ZNF608: variants seen among roughly 807,000 people sequenced by gnomAD.
The protein encoded by ZNF608 is renal carcinoma antigen NY-REN-36.
A neutral mutation model predicts 109.0 loss-of-function variants in ZNF608; 12 were observed. The observed-to-expected ratio is 0.11, with a 90% confidence interval of 0.07 to 0.18. The LOEUF (loss-of-function observed/expected upper bound fraction) is 0.18. Ranked by LOEUF, ZNF608 falls within the 10% of genes least tolerant of loss-of-function variation. The probability of loss-of-function intolerance (pLI) is 1.00; values close to 1 mark genes in which losing one functional copy is unlikely to be tolerated. For missense variants in ZNF608, 1,707 were observed against 1,879.3 expected, an observed-to-expected ratio of 0.91 and a Z score of 1.70; for synonymous variants, 732 against 717.4, an observed-to-expected ratio of 1.02 and a Z score of -0.33.
chr5:124,723,951 T>C (rs1754037031), intron 2 of ZNF608, among the ~76,000 whole-genome samples: 1 of 152,138 alleles, frequency 6.6e-6, no homozygotes, highest in Non-Finnish European at 1.5e-5. Flanking sequence ...CAATGGCTTG[T>C]ACCCATGAAA....
chr5:124,702,912 T>C (rs1159731551), intron 2 of ZNF608, among the ~76,000 whole-genome samples: 3 of 152,218 alleles, frequency 2.0e-5, no homozygotes, highest in Admixed American at 6.5e-5. Flanking sequence ...TTCACACTGA[T>C]AGTTCTTATT....
At chr5:124,729,350 G>A (rs1011837976) in intron 2 of ZNF608, among the ~76,000 whole-genome samples, 1 of 152,218 alleles carries the variant, frequency 6.6e-6, no homozygotes, top group Admixed American at 6.5e-5. Context: ...TGGAGGTCCT[G>A]AGTGAGAGGG....
intron 3 of ZNF608, among the ~76,000 whole-genome samples, chr5:124,690,718 A>G (rs749400953): frequency 2.6e-5 from 4 of 152,040 alleles, no homozygotes; most frequent in Non-Finnish European, 5.9e-5. Context: ...TATCCACTGA[A>G]TGATCTGAAC....
chr5:124,647,396 A>G lies in ZNF608; in HGVS notation c.2988T>C (p.Tyr996=). The G allele has an allele frequency of 5.0e-6, 8 of 1,614,212 alleles. No homozygotes were observed. Among genetic ancestry groups the G allele is most frequent in the Non-Finnish European group, 6.8e-6 (8 of 1,180,044 alleles). ...AATAATAAGGATCATAGCTGTGGTA[A>G]TAGGGAGAATGGGACTCTTTCAGTT... The part of the protein sequence containing the change: ...SSQLKESHSP[Y]YHSYDPYYSP... The change falls in exon 5 of 10, where the codon TAT becomes TAC. Residue 996 remains tyrosine, a synonymous_variant. Transcript: ENST00000513986.
chr5:124,704,632 T>A (rs1350032356), intron 2 of ZNF608, among the ~76,000 whole-genome samples: 1 of 152,182 alleles, frequency 6.6e-6, no homozygotes, highest in Non-Finnish European at 1.5e-5. Context: ...TTTAAATTTC[T>A]CCTATTTCGT....
chr5:124,653,689 G>A (rs1750886693), intron 3 of ZNF608, among the ~76,000 whole-genome samples: 1 of 152,112 alleles, frequency 6.6e-6, no homozygotes, highest in Admixed American at 6.5e-5. Flanking sequence ...CCATCTGACT[G>A]GACCAGTGAT....
chr5:124,648,320 T>C lies in ZNF608; in HGVS notation c.2064A>G (p.Ala688=), dbSNP rs764744051. 9 of 1,614,124 alleles carry C rather than the reference T, an allele frequency of 5.6e-6. No homozygotes were observed. Among genetic ancestry groups the C allele is most frequent in the African/African-American group, 1.3e-5 (1 of 74,938 alleles). Reference sequence around the variant, plus strand: ...TCTCAGCAGCCAAACTGCCGTCTGCTGCCGAGCAACTGTCTAACGCAGCCG... The same window carrying C: ...TCTCAGCAGCCAAACTGCCGTCTGCCGCCGAGCAACTGTCTAACGCAGCCG... ...NMTAALDSCS[A]ADGSLAAEMP... Residue 688 remains alanine, a synonymous_variant, in exon 5 of 10, where the codon GCA becomes GCG. Coordinates refer to ENST00000513986, the MANE Select transcript of ZNF608 (RefSeq NM_020747.3).
chr5:124,715,860 T>C (rs766415426), intron 2 of ZNF608, among the ~76,000 whole-genome samples: 11 of 152,134 alleles, frequency 7.2e-5, no homozygotes, highest in African/African-American at 1.7e-4. Context: ...TACTCTAATA[T>C]AGGCCGGGCG....
At chr5:124,694,429 C>G (rs1752759375) in intron 3 of ZNF608, among the ~76,000 whole-genome samples, 1 of 151,788 alleles carries the variant, frequency 6.6e-6, no homozygotes, top group South Asian at 2.1e-4. Flanking sequence ...GGTATATGGT[C>G]CAGTAAATAT....
rs1177719535 is a variant in ZNF608 at position 124,690,606 on chromosome 5, G to A, written c.1162+10408C>T. Among the ~76,000 whole-genome samples, 4 of 152,218 alleles carry A rather than the reference G, an allele frequency of 2.6e-5. 1 individual carries two copies. The highest frequency in any genetic ancestry group is 2.6e-4 in the Admixed American group (4 of 15,284). On this transcript the variant is annotated intron_variant, in intron 3 of 9. Coordinates refer to ENST00000513986, the MANE Select transcript of ZNF608 (RefSeq NM_020747.3). ...TTCATGCCTGTAATTGCAGCACTTT[G>A]GGAGGCCAAGGCAGGAAGATCGCTT...
At chr5:124,662,163 C>T (rs1440095506) in intron 3 of ZNF608, among the ~76,000 whole-genome samples, 1 of 152,218 alleles carries the variant, frequency 6.6e-6, no homozygotes, top group Non-Finnish European at 1.5e-5. Flanking sequence ...TTCATGATGA[C>T]TTAAATTGTC....
chr5:124,638,034 T>A lies in ZNF608; in HGVS notation c.4533-128A>T, dbSNP rs575487918. 110 of 918,344 alleles carry A rather than the reference T, an allele frequency of 1.2e-4. 1 individual carries two copies. The South Asian group carries it at 1.6e-3, about 13-fold the overall frequency. The allele number at this position is 918,344 out of a possible 1,614,324, so 56.9% of individuals were successfully genotyped here. On this transcript the variant is annotated intron_variant, in intron 9 of 9. Coordinates refer to ENST00000513986, the MANE Select transcript of ZNF608 (RefSeq NM_020747.3). ...GGCTCAATCTCGGCTCACCGCAACC[T>A]CTGCCTCCTGGGTTCAAGTGATTCT...
intron 9 of ZNF608, among the ~76,000 whole-genome samples, chr5:124,638,517 A>G (rs1021842024): frequency 3.2e-4 from 49 of 152,328 alleles, no homozygotes; most frequent in African/African-American, 1.1e-3. Context: ...TGAGCCTCCC[A>G]AAGTGGTGGG....
chr5:124,724,658 T>C (rs908495661), intron 2 of ZNF608, among the ~76,000 whole-genome samples: 1 of 152,066 alleles, frequency 6.6e-6, no homozygotes, highest in Non-Finnish European at 1.5e-5. Context: ...ACACCTGGAA[T>C]ACGTTCTCTG....
At chr5:124,731,236 A>G (rs1748880283) in intron 2 of ZNF608, among the ~76,000 whole-genome samples, 1 of 152,128 alleles carries the variant, frequency 6.6e-6, no homozygotes, top group Admixed American at 6.5e-5. Context: ...TTTGAGACGG[A>G]GTCTCGCTCT....
At chr5:124,728,929 A>G (rs1243481511) in intron 2 of ZNF608, among the ~76,000 whole-genome samples, 1 of 152,160 alleles carries the variant, frequency 6.6e-6, no homozygotes, top group Non-Finnish European at 1.5e-5. Context: ...TCCAAGTAAC[A>G]TAAATAAAAT....
chr5:124,722,624 A>G (rs947469728), intron 2 of ZNF608, among the ~76,000 whole-genome samples: 2 of 150,206 alleles, frequency 1.3e-5, no homozygotes, highest in Non-Finnish European at 3.0e-5. Flanking sequence ...CACACACGCA[A>G]GAAATTCTAA....
chr5:124,720,385 CTT>C (rs1714364673), intron 2 of ZNF608, among the ~76,000 whole-genome samples: 1 of 152,084 alleles, frequency 6.6e-6, no homozygotes, highest in Non-Finnish European at 1.5e-5. Context: ...TATGAAGTTT[CTT>C]TTTTCTACCA....
chr5:124,648,446 A>G lies in ZNF608; in HGVS notation c.1938T>C (p.Asn646=), dbSNP rs779264913. ...TPKGKRELMS[N]GPGSIIGAKA... ...TAGCACCAATAATGGAACCTGGGCCATTGCTCATCAGCTCTCTCTTTCCCT... is the reference window on the plus strand; with the variant it reads ...TAGCACCAATAATGGAACCTGGGCCGTTGCTCATCAGCTCTCTCTTTCCCT... The change falls in exon 5 of 10, where the codon AAT becomes AAC. Residue 646 remains asparagine, a synonymous_variant. Coordinates refer to ENST00000513986, the MANE Select transcript of ZNF608 (RefSeq NM_020747.3). 2.5e-6 allele frequency: 4 copies of G among 1,614,144 alleles called. No homozygotes were observed. The African/African-American group carries it at 5.3e-5, about 22-fold the overall frequency.
Sources: gnomAD v4.1 joint callset for allele counts (sites outside exome capture counted in the v4.1 genomes callset) on GRCh38, gnomAD v4.1.1 for gene constraint, MANE v1.5 for transcripts, NCBI Gene and HGNC (gene_info 2026-07-23, HGNC 2026-07-21) for gene names.